The following PUM3 variants were observed in gnomAD, a reference collection of about 807,000 sequenced individuals.
PUM3 encodes pumilio RNA binding family member 3.
In PUM3, 91 loss-of-function variants were observed where a neutral mutation model predicts 84.0. The observed-to-expected ratio is 1.08, with a 90% CI of 0.91 to 1.29. PUM3 has a LOEUF of 1.29. Ranked by LOEUF, PUM3 falls within the 50% of genes most tolerant of loss-of-function variation. PUM3 has a pLI of 0.00. For missense variants in PUM3, 1,067 were observed against 767.5 expected, an observed-to-expected ratio of 1.39 and a Z score of -4.61; for synonymous variants, 321 against 266.7, an observed-to-expected ratio of 1.20 and a Z score of -1.98.
In PUM3 at chr9:2,829,796, C is replaced by T; in HGVS notation, c.830G>A (p.Gly277Glu). The change falls in exon 8 of 18, where the codon GGG (glycine) becomes GAG (glutamate). Residue 277 changes from glycine (G) to glutamate (E), a missense_variant. Gly to Glu is a moderately conservative substitution (Grantham distance 98). Coordinates refer to ENST00000397885, the MANE Select transcript of PUM3 (RefSeq NM_014878.5). ...QRNMLTEELY[G>E]NTFQLYKSAD... ...CACCTTGTAAAGCTGAAATGTGTTC[C>T]CATAGAGCTCTTCCGTCAGCATGTT... 1.9e-6 allele frequency: 3 copies of T among 1,613,584 alleles called. No individual in the cohort carries two copies. The highest frequency in any genetic ancestry group is 2.5e-6 in the Non-Finnish European group (3 of 1,179,666).
At chr9:2,811,656 A>C (rs1431258070) in intron 14 of PUM3, 73 bp from the exon 15 acceptor site, 2 of 1,078,388 alleles carry the variant, frequency 1.9e-6, no homozygotes, top group Non-Finnish European at 2.8e-6. Flanking sequence ...TATCACAAAA[A>C]CCTCTAAGAG....
intron 9 of PUM3, 76 bp downstream of exon 9, chr9:2,828,599 T>A: frequency 1.2e-6 from 1 of 865,564 alleles, no homozygotes. Flanking sequence ...AGCTACCTCT[T>A]CTGGGCAACA....
intron 10 of PUM3, among the ~76,000 whole-genome samples, chr9:2,825,972 C>T (rs765887510): frequency 6.6e-6 from 1 of 152,200 alleles, no homozygotes; most frequent in Non-Finnish European, 1.5e-5. Flanking sequence ...AAGTATCTAA[C>T]AATCCCTTCC....
At chr9:2,836,799 T>TTGTG (rs879746260) in intron 3 of PUM3, among the ~76,000 whole-genome samples, 39 of 152,008 alleles carry the variant, frequency 2.6e-4, no homozygotes, top group Non-Finnish European at 5.7e-4. Context: ...CTGATTATTT[T>TTGTG]TGTGTGTGTG....
At chr9:2,824,044 A>ATAGGGTTAGGGT (rs374783967) in intron 11 of PUM3, among the ~76,000 whole-genome samples, 9 of 151,426 alleles carry the variant, frequency 5.9e-5, no homozygotes, top group African/African-American at 9.7e-5. Context: ...TGTGTATGTG[A>ATAGGGTTAGGGT]TAGGGTTAGG....
At chr9:2,838,706 A>C (rs977434480) in intron 1 of PUM3, among the ~76,000 whole-genome samples, 189 bp from the exon 2 acceptor site, 6 of 152,190 alleles carry the variant, frequency 3.9e-5, no homozygotes, top group Non-Finnish European at 8.8e-5. Context: ...AAAACTGAAA[A>C]TGAACAAGGT....
intron 1 of PUM3, 132 bp from the exon 2 acceptor site, chr9:2,838,649 G>T: frequency 1.7e-6 from 1 of 584,824 alleles, no homozygotes; most frequent in Non-Finnish European, 3.1e-6. Flanking sequence ...ATATAGAATG[G>T]ACAAGTACTT....
chr9:2,820,912 A>G (rs901646332), intron 12 of PUM3, among the ~76,000 whole-genome samples: 2 of 152,204 alleles, frequency 1.3e-5, no homozygotes, highest in Non-Finnish European at 2.9e-5. Context: ...AAAGAAAACA[A>G]AAACCTGTTT....
chr9:2,823,744 C>A (rs1815730671), intron 12 of PUM3, 37 bp downstream of exon 12: 1 of 974,622 alleles, frequency 1.0e-6, no homozygotes, highest in Non-Finnish European at 1.5e-6. Flanking sequence ...ATCTTACTAT[C>A]AAAAATAATT....
chr9:2,818,054 T>C (rs529017686), intron 13 of PUM3, among the ~76,000 whole-genome samples: 29 of 152,358 alleles, frequency 1.9e-4, no homozygotes, highest in South Asian at 6.2e-4. Flanking sequence ...GATTTCAACC[T>C]GACATTTTGG....
chr9:2,806,735 A>G (rs970989515), intron 17 of PUM3, among the ~76,000 whole-genome samples: 2 of 152,236 alleles, frequency 1.3e-5, no homozygotes, highest in Non-Finnish European at 2.9e-5. Context: ...GCCATAGCTC[A>G]TCACTGTTTT....
At chr9:2,840,477 C>T (rs1220269639) in intron 1 of PUM3, among the ~76,000 whole-genome samples, 1 of 152,154 alleles carries the variant, frequency 6.6e-6, no homozygotes, top group African/African-American at 2.4e-5. Context: ...CGGTGGATAT[C>T]GCCTGCAGCA....
chr9:2,812,743 GAAC>G lies in PUM3; in HGVS notation c.1270-384_1270-382del, dbSNP rs966879424. Among the ~76,000 whole-genome samples the G allele has an allele frequency of 2.6e-4, 39 of 152,184 alleles. 1 individual carries two copies. The highest frequency in any genetic ancestry group is 9.2e-4 in the African/African-American group (38 of 41,506). ...ATTCTCTTTTGTGACTAGCATTACT[GAAC>G]AACTCATTTGTATTAACTGACCAAG... On this transcript the variant is annotated intron_variant, in intron 13 of 17. Coordinates refer to ENST00000397885, the MANE Select transcript of PUM3 (RefSeq NM_014878.5).
chr9:2,804,482 T>G lies in PUM3; in HGVS notation c.1815-19A>C, dbSNP rs755493785. The G allele has an allele frequency of 3.7e-6, 6 of 1,604,120 alleles. No homozygotes were observed. The highest frequency in any genetic ancestry group is 5.1e-6 in the Non-Finnish European group (6 of 1,176,740). ...GAGGAGGCTGAAGAGAGGAAAAAAA[T>G]TAAATTTCATAAGCATTCCTAGATC... On this transcript the variant is annotated intron_variant, in intron 17 of 17. Transcript: ENST00000397885.
intron 13 of PUM3, among the ~76,000 whole-genome samples, chr9:2,816,255 A>C: frequency 6.6e-6 from 1 of 152,216 alleles, no homozygotes; most frequent in East Asian, 1.9e-4. Flanking sequence ...GATTTAACTA[A>C]TGGATAACAG....
intron 5 of PUM3, among the ~76,000 whole-genome samples, chr9:2,832,439 A>C (rs1465401828): frequency 6.6e-6 from 1 of 152,232 alleles, no homozygotes; most frequent in Non-Finnish European, 1.5e-5. Context: ...AGTAAACGAC[A>C]CAATGCATGT....
At position 2,842,334 on chromosome 9, in the gene PUM3, C is replaced by G. The variant is rs543148097; in HGVS notation, c.-11+1711G>C. 2.0e-5 allele frequency among the ~76,000 whole-genome samples: 3 copies of G among 152,276 alleles called. No individual in the cohort carries two copies. In the South Asian group the frequency reaches 6.2e-4, roughly 32 times the overall value. ...TAACCTTCCAGTAGCACACCTATTT[C>G]ATGTCATTTCCATGCTCCAATAGCT... is the stretch of plus-strand genomic sequence containing the variant. On this transcript the variant is annotated intron_variant, in intron 1 of 17. Transcript: ENST00000397885.
chr9:2,818,307 T>A (rs1821516236), intron 13 of PUM3, among the ~76,000 whole-genome samples: 1 of 152,194 alleles, frequency 6.6e-6, no homozygotes, highest in Non-Finnish European at 1.5e-5. Context: ...CTGCCCTAAG[T>A]ATGAGAAAGT....
Position 2,834,037 on chromosome 9 carries a change from A to C in PUM3, c.434T>G (p.Leu145Ter), listed in dbSNP as rs923446763. The C allele has an allele frequency of 6.2e-7, 1 of 1,613,252 alleles. No individual in the cohort carries two copies. Among genetic ancestry groups the C allele is most frequent in the Admixed American group, 1.7e-5 (1 of 59,902 alleles). The stretch of plus-strand genomic sequence containing the variant: ...CATCTTTAGGTAGAATTACCTTCTT[A>C]AAATCTCCCACATCTGCTTTGCCCG... ...VVRAKQMWEI[L>*]RRKDCDKEKR... The change falls in exon 4 of 18, where the codon TTA (leucine) becomes TGA (stop). Residue 145 changes from leucine to a stop codon, truncating the protein, a stop_gained. Coordinates refer to ENST00000397885, the MANE Select transcript of PUM3 (RefSeq NM_014878.5). LOFTEE classifies it high-confidence loss of function.
Sources: gnomAD v4.1 joint callset for allele counts (sites outside exome capture counted in the v4.1 genomes callset) on GRCh38, gnomAD v4.1.1 for gene constraint, MANE v1.5 for transcripts, NCBI Gene and HGNC (gene_info 2026-07-23, HGNC 2026-07-21) for gene names.